The following HEG1 variants were observed in gnomAD, a reference collection of about 807,000 sequenced individuals.
HEG1 encodes protein HEG homolog 1.
Under a neutral mutation model 125.6 loss-of-function variants are expected in HEG1, and 56 were observed. The ratio of observed to expected loss-of-function variants is 0.45; its 90% CI spans 0.36 to 0.56. The LOEUF (loss-of-function observed/expected upper bound fraction) is 0.56, where lower values mean the gene tolerates loss of function less well. HEG1 is among the 20% of genes least tolerant of loss of function. HEG1 has a pLI of 0.00. For synonymous variants in HEG1, 644 were observed against 668.5 expected (o/e 0.96, Z 0.57); for missense variants, 1,523 against 1,670.0 (o/e 0.91, Z 1.53).
chr3:125,045,990 C>T (rs1039317080), intron 1 of HEG1, among the ~76,000 whole-genome samples: 1 of 152,148 alleles, frequency 6.6e-6, no homozygotes, highest in Non-Finnish European at 1.5e-5. Flanking sequence ...TATATTTGCT[C>T]CTCCTCAAAA....
At chr3:124,995,661 C>T (rs377566613) in intron 12 of HEG1, among the ~76,000 whole-genome samples, 2 of 152,208 alleles carry the variant, frequency 1.3e-5, no homozygotes, top group African/African-American at 2.4e-5. Context: ...CCAAGAAGCC[C>T]GGAATCCACT....
intron 14 of HEG1, among the ~76,000 whole-genome samples, chr3:124,983,114 C>T (rs982104825): frequency 1.3e-5 from 2 of 152,232 alleles, no homozygotes; most frequent in Admixed American, 6.5e-5. Flanking sequence ...GTTCCTTCCA[C>T]TCCTGATGCC....
intron 1 of HEG1, among the ~76,000 whole-genome samples, chr3:125,046,305 A>C (rs989731773): frequency 3.3e-5 from 5 of 152,090 alleles, no homozygotes; most frequent in Non-Finnish European, 7.4e-5. Context: ...GACAATACTT[A>C]TTCCATCAAT....
intron 12 of HEG1, among the ~76,000 whole-genome samples, chr3:124,996,412 A>G (rs1936924875): frequency 6.6e-6 from 1 of 152,116 alleles, no homozygotes; most frequent in Non-Finnish European, 1.5e-5. Context: ...AGGTGCAAGG[A>G]ACACTTTGCA....
chr3:125,049,080 T>C (rs1048289850), intron 1 of HEG1, among the ~76,000 whole-genome samples: 9 of 152,196 alleles, frequency 5.9e-5, no homozygotes, highest in African/African-American at 1.9e-4. Flanking sequence ...AGGCCTTCCA[T>C]GCCTATCATA....
chr3:125,005,323 T>A lies in HEG1; in HGVS notation c.3239A>T (p.Asn1080Ile). The A allele has an allele frequency of 6.3e-7, 1 of 1,595,406 alleles. No individual in the cohort carries two copies. Among genetic ancestry groups the A allele is most frequent in the Non-Finnish European group, 8.5e-7 (1 of 1,172,264 alleles). The change falls in exon 9 of 17, where the codon AAT becomes ATT. Residue 1080 changes from asparagine to isoleucine, a missense_variant. Asn to Ile is a moderately radical substitution (Grantham distance 149, BLOSUM62 -3). Transcript: ENST00000311127. ...TEFKLKRTFL[N>I]TTVEKHSDLQ... ...GTCTGAATGTTTTTCCACAGTTGTA[T>A]TAAGAAAAGTTCTCTTTAATTTAAA...
chr3:125,024,455 T>C (rs1937386546), intron 3 of HEG1, among the ~76,000 whole-genome samples: 1 of 152,236 alleles, frequency 6.6e-6, no homozygotes, highest in Non-Finnish European at 1.5e-5. Flanking sequence ...GGGAGCTTTT[T>C]TCCCTGTTCG....
intron 11 of HEG1, among the ~76,000 whole-genome samples, chr3:125,001,124 T>C (rs1936992676): frequency 6.6e-6 from 1 of 152,188 alleles, no homozygotes; most frequent in South Asian, 2.1e-4. Flanking sequence ...AGGAAAATAA[T>C]TGTTTATGGC....
intron 15 of HEG1, among the ~76,000 whole-genome samples, chr3:124,976,092 C>T (rs1370148653): frequency 2.0e-5 from 3 of 152,180 alleles, no homozygotes; most frequent in South Asian, 2.1e-4. Context: ...TTTTTCAAAG[C>T]GGCTGCACCA....
At position 125,013,580 on chromosome 3, in the gene HEG1, AGG is replaced by A. The variant is rs1937194268; in HGVS notation, c.1997_1998del (p.Ser666PhefsTer41). 6.3e-7 allele frequency: 1 copy of A among 1,596,006 alleles called. No individual in the cohort carries two copies. The highest frequency in any genetic ancestry group is 1.3e-5 in the African/African-American group (1 of 74,444). The stretch of plus-strand genomic sequence containing the variant: ...GGAGGCCCTGAAGAAGAAGAAGAGG[AGG>A]AGGAGGAAGAGGAGGAGGAGGAGTC... ...VSDSSSSSSS[S>X]SSSSSSGPPL... On this transcript the variant is annotated frameshift_variant, in exon 6 of 17. Transcript: ENST00000311127. LOFTEE classifies it high-confidence loss of function.
intron 1 of HEG1, among the ~76,000 whole-genome samples, chr3:125,054,555 C>T (rs533240145): frequency 1.6e-4 from 25 of 152,336 alleles, no homozygotes; most frequent in African/African-American, 5.3e-4. Flanking sequence ...AAAAACTCAA[C>T]TTTCAGGGAA....
rs1446806610 is a variant in HEG1 at position 124,967,304 on chromosome 3, A to G, written c.*3348T>C. ...GTATGTCTGACTGCACTTGTCAGAA[A>G]CCCAGGTCCTTGCCTTCCACTTCCT... On this transcript the variant is annotated 3_prime_UTR_variant, in exon 17 of 17. Coordinates refer to ENST00000311127, the MANE Select transcript of HEG1 (RefSeq NM_020733.2). The G allele has an allele frequency of 6.6e-6, 1 of 152,124 alleles. No homozygotes were observed. Among genetic ancestry groups the G allele is most frequent in the African/African-American group, 2.4e-5 (1 of 41,432 alleles). 9.4% of individuals were successfully genotyped at this position (152,124 alleles called of 1,614,324 possible). A position where few individuals can be genotyped will look rare whatever the true frequency, so the allele number is the denominator to read the frequency against.
chr3:125,029,539 A>T (rs960059726), intron 1 of HEG1, 51 bp from the exon 2 acceptor site: 1 of 1,530,068 alleles, frequency 6.5e-7, no homozygotes, highest in Non-Finnish European at 8.8e-7. Flanking sequence ...TTCTGACAAG[A>T]AAAGTAAACC....
chr3:125,006,205 G>A (rs1041103631), intron 8 of HEG1, among the ~76,000 whole-genome samples: 5 of 152,162 alleles, frequency 3.3e-5, no homozygotes, highest in Non-Finnish European at 7.3e-5. Context: ...GCCACATAAT[G>A]AAAACAGCCC....
In HEG1 at chr3:124,990,797, G is replaced by C; in HGVS notation, c.3723C>G (p.Asn1241Lys). 1 of 1,563,070 alleles carries C rather than the reference G, an allele frequency of 6.4e-7. No individual in the cohort carries two copies. Among genetic ancestry groups the C allele is most frequent in the Non-Finnish European group, 8.7e-7 (1 of 1,152,894 alleles). ...CTTTTGTACACTTACGGTTTCCACA[G>C]TTGAGACCACCAAGGCCAAATGGGC... is the stretch of plus-strand genomic sequence containing the variant. Reference protein sequence around the residue: ...MSCPFGLGGLNCGNPYQLITV... With the variant: ...MSCPFGLGGLKCGNPYQLITV... The change falls in exon 14 of 17, where the codon AAC becomes AAG. Residue 1241 changes from asparagine to lysine, a missense_variant. Coordinates refer to ENST00000311127, the MANE Select transcript of HEG1 (RefSeq NM_020733.2).
intron 1 of HEG1, among the ~76,000 whole-genome samples, chr3:125,053,586 A>G (rs1347720630): frequency 6.6e-6 from 1 of 152,206 alleles, no homozygotes; most frequent in East Asian, 1.9e-4. Context: ...CAGGAGACCA[A>G]GAGAACCTAC....
chr3:124,992,780 G>T (rs1160446097), intron 12 of HEG1, among the ~76,000 whole-genome samples: 1 of 152,194 alleles, frequency 6.6e-6, no homozygotes, highest in Non-Finnish European at 1.5e-5. Flanking sequence ...GAGTGTTGTG[G>T]AATACAGTTT....
At chr3:125,020,188 AG>A (rs1252049845) in intron 4 of HEG1, among the ~76,000 whole-genome samples, 2 of 152,168 alleles carry the variant, frequency 1.3e-5, no homozygotes, top group African/African-American at 2.4e-5. Context: ...GCACTTTGGG[AG>A]GGCAAGGCAG....
At chr3:124,981,604 A>G (rs926371532) in intron 14 of HEG1, among the ~76,000 whole-genome samples, 4 of 152,324 alleles carry the variant, frequency 2.6e-5, no homozygotes, top group Admixed American at 2.6e-4. Context: ...AGAGGCTTCT[A>G]CGGGATGGTG....
Sources: gnomAD v4.1 joint callset for allele counts (sites outside exome capture counted in the v4.1 genomes callset) on GRCh38, gnomAD v4.1.1 for gene constraint, MANE v1.5 for transcripts, NCBI Gene and HGNC (gene_info 2026-07-23, HGNC 2026-07-21) for gene names.